GRM7: variants seen among roughly 807,000 people sequenced by gnomAD.
GRM7 encodes the protein glutamate metabotropic receptor 7.
A neutral mutation model predicts 84.5 loss-of-function variants in GRM7; 35 were observed. The observed-to-expected ratio is 0.41, with a 90% CI of 0.32 to 0.55. GRM7 has a LOEUF of 0.55. GRM7 is among the 20% of genes least tolerant of loss of function. The probability of loss-of-function intolerance (pLI) is 0.19; values close to 1 mark genes in which losing one functional copy is unlikely to be tolerated. For synonymous variants in GRM7, 487 were observed against 455.1 expected, an observed-to-expected ratio of 1.07 and a Z score of -0.89; for missense variants, 1,003 against 1,194.6, an observed-to-expected ratio of 0.84 and a Z score of 2.36.
At chr3:6,932,256 C>T (rs1482532753) in intron 1 of GRM7, among the ~76,000 whole-genome samples, 1 of 152,138 alleles carries the variant, frequency 6.6e-6, no homozygotes, top group Admixed American at 6.5e-5. Context: ...TACCGAGGGC[C>T]CACAATTAGG....
chr3:7,060,566 G>A (rs1043636497), intron 1 of GRM7, among the ~76,000 whole-genome samples: 3 of 151,744 alleles, frequency 2.0e-5, no homozygotes, highest in Admixed American at 1.3e-4. Context: ...CTGATCATGA[G>A]TCAGGAACAT....
At chr3:6,921,256 G>T (rs910441492) in intron 1 of GRM7, among the ~76,000 whole-genome samples, 1 of 152,204 alleles carries the variant, frequency 6.6e-6, no homozygotes, top group African/African-American at 2.4e-5. Flanking sequence ...CGAAAGAGCA[G>T]CTGCAAGAGG....
intron 4 of GRM7, among the ~76,000 whole-genome samples, chr3:7,373,901 AT>A (rs1180117629): frequency 6.6e-6 from 1 of 152,194 alleles, no homozygotes; most frequent in African/African-American, 2.4e-5. Context: ...GAGGAACTGC[AT>A]TTTTATTTAA....
At chr3:7,131,896 T>C (rs760819292) in intron 1 of GRM7, among the ~76,000 whole-genome samples, 10 of 152,234 alleles carry the variant, frequency 6.6e-5, no homozygotes, top group Admixed American at 1.3e-4. Flanking sequence ...CCACATCATT[T>C]TCTCCAGCTG....
chr3:6,865,145 A>C (rs149463769), intron 1 of GRM7, among the ~76,000 whole-genome samples: 63 of 152,360 alleles, frequency 4.1e-4, no homozygotes, highest in African/African-American at 1.5e-3. Flanking sequence ...TCAAAGAAAC[A>C]TCAGGGAGGA....
Position 7,572,848 on chromosome 3 carries a change from AT to A in GRM7, c.1516-5573del, listed in dbSNP as rs1559411807. Among the ~76,000 whole-genome samples, 181 of 24,538 alleles carry A rather than the reference AT, an allele frequency of 7.4e-3. 31 individuals are homozygous for A. Among genetic ancestry groups the A allele is most frequent in the African/African-American group, 0.022 (174 of 8,002 alleles). The allele number at this position is 24,538 out of a possible 152,430, so 16.1% of individuals were successfully genotyped here. On this transcript the variant is annotated intron_variant, in intron 7 of 9. Transcript: ENST00000357716. ...AATATATATATATATATATATATAT[AT>A]ATATATATATATATATATATATATA...
intron 1 of GRM7, among the ~76,000 whole-genome samples, chr3:6,886,162 T>G (rs938170715): frequency 1.3e-5 from 2 of 152,070 alleles, no homozygotes; most frequent in Admixed American, 1.3e-4. Context: ...TTGGCAAATT[T>G]CAAGTAACCA....
chr3:6,948,314 C>G (rs1208130127), intron 1 of GRM7, among the ~76,000 whole-genome samples: 5 of 152,064 alleles, frequency 3.3e-5, no homozygotes, highest in African/African-American at 4.8e-5. Flanking sequence ...TGTTATGTAC[C>G]CAGTAGTCAT....
chr3:7,502,869 C>G (rs563716423), intron 7 of GRM7, among the ~76,000 whole-genome samples: 144 of 152,102 alleles, frequency 9.5e-4, no homozygotes, highest in African/African-American at 3.4e-3. Flanking sequence ...CTAACGCAAC[C>G]CTGAAGAGTG....
chr3:7,429,876 T>G (rs1382750648), intron 5 of GRM7, among the ~76,000 whole-genome samples: 1 of 152,226 alleles, frequency 6.6e-6, no homozygotes, highest in Non-Finnish European at 1.5e-5. Flanking sequence ...AAATACGATT[T>G]AAACATCTTA....
Position 7,173,504 on chromosome 3 carries a change from A to G in GRM7, c.736+26836A>G, listed in dbSNP as rs2125090219. ...GTCATTTATCACTGGATGAGGAACAATATCCTGAATATTTCTGCAAGCTTC... is the reference window on the plus strand; with the variant it reads ...GTCATTTATCACTGGATGAGGAACAGTATCCTGAATATTTCTGCAAGCTTC... On this transcript the variant is annotated intron_variant, in intron 2 of 9. Transcript: ENST00000357716. Among the ~76,000 whole-genome samples the G allele has an allele frequency of 1.3e-5, 2 of 152,316 alleles. 1 individual carries two copies. The highest frequency in any genetic ancestry group is 4.8e-5 in the African/African-American group (2 of 41,564).
chr3:7,200,013 G>C (rs1057359220), intron 2 of GRM7, among the ~76,000 whole-genome samples: 12 of 152,200 alleles, frequency 7.9e-5, no homozygotes, highest in Non-Finnish European at 1.3e-4. Context: ...CACCTGGTTG[G>C]TTCCTGGTGA....
At chr3:7,291,010 A>C (rs1422536281) in intron 2 of GRM7, among the ~76,000 whole-genome samples, 1 of 150,934 alleles carries the variant, frequency 6.6e-6, no homozygotes, top group African/African-American at 2.4e-5. Context: ...ACACTGTTCC[A>C]CTCTGTCTCC....
At chr3:7,401,006 T>A (rs1575280023) in intron 4 of GRM7, among the ~76,000 whole-genome samples, 1 of 152,158 alleles carries the variant, frequency 6.6e-6, no homozygotes, top group Non-Finnish European at 1.5e-5. Flanking sequence ...GGTATTGTTT[T>A]TATTTTCTTA....
At chr3:7,339,319 G>C (rs1200366405) in intron 4 of GRM7, among the ~76,000 whole-genome samples, 1 of 152,206 alleles carries the variant, frequency 6.6e-6, no homozygotes, top group Middle Eastern at 3.4e-3. Flanking sequence ...TTCATTGCTG[G>C]TTTGCCCCTC....
At chr3:7,327,566 G>C (rs1388369124) in intron 4 of GRM7, among the ~76,000 whole-genome samples, 1 of 152,020 alleles carries the variant, frequency 6.6e-6, no homozygotes, top group African/African-American at 2.4e-5. Context: ...TGTTATCTAA[G>C]TGCAAAATTA....
intron 7 of GRM7, among the ~76,000 whole-genome samples, chr3:7,510,515 T>C (rs1292610492): frequency 6.6e-6 from 1 of 152,184 alleles, no homozygotes; most frequent in Non-Finnish European, 1.5e-5. Context: ...GGGAACCTTG[T>C]AGCCAATCTC....
At chr3:7,541,593 T>C (rs931945694) in intron 7 of GRM7, among the ~76,000 whole-genome samples, 3 of 152,194 alleles carry the variant, frequency 2.0e-5, no homozygotes, top group African/African-American at 7.2e-5. Flanking sequence ...TTTTCCACTG[T>C]CTTCTGTAGA....
At chr3:7,629,136 T>A (rs866137398) in intron 8 of GRM7, among the ~76,000 whole-genome samples, 2 of 152,186 alleles carry the variant, frequency 1.3e-5, no homozygotes, top group Non-Finnish European at 2.9e-5. Context: ...GGCTTTGGGA[T>A]AGCTGTATTC....
Sources: gnomAD v4.1 joint callset for allele counts (sites outside exome capture counted in the v4.1 genomes callset) on GRCh38, gnomAD v4.1.1 for gene constraint, MANE v1.5 for transcripts, NCBI Gene and HGNC (gene_info 2026-07-23, HGNC 2026-07-21) for gene names.